The following MRS2 variants were observed in gnomAD, a reference collection of about 807,000 sequenced individuals.
MRS2 encodes the protein magnesium transporter MRS2.
A neutral mutation model predicts 52.6 loss-of-function variants in MRS2; 40 were observed. That is an observed-to-expected ratio of 0.76 (90% CI 0.59 to 0.99). MRS2 has a LOEUF of 0.99. MRS2 is among the 50% of genes least tolerant of loss of function. The pLI is 0.00. For missense variants in MRS2, 472 were observed against 532.7 expected, an observed-to-expected ratio of 0.89 and a Z score of 1.12; for synonymous variants, 193 against 195.9, an observed-to-expected ratio of 0.98 and a Z score of 0.13.
intron 4 of MRS2, chr6:24,410,797 C>T: frequency 1.3e-6 from 2 of 1,491,472 alleles, no homozygotes; most frequent in South Asian, 2.4e-5. Flanking sequence ...GAGAGACAGA[C>T]AGGTATGTGA....
intron 9 of MRS2, among the ~76,000 whole-genome samples, chr6:24,421,256 ATG>A (rs1762033074): frequency 6.6e-6 from 1 of 152,256 alleles, no homozygotes. Context: ...TAGTTTTAGT[ATG>A]TGCAATCCTA....
chr6:24,416,274 TAA>T (rs1761845029), intron 6 of MRS2, 121 bp from the exon 7 acceptor site: 2 of 470,478 alleles, frequency 4.3e-6, no homozygotes, highest in Admixed American at 8.1e-5. Context: ...TTTTTTTAAA[TAA>T]GTCATTGTTT....
In MRS2 at chr6:24,409,707, T is replaced by C; in HGVS notation, c.414+134T>C. On this transcript the variant is annotated intron_variant, in intron 4 of 10. Transcript: ENST00000378386. Reference sequence around the variant, plus strand: ...GCTACCTGAAACATAGGATGTTTTATAGCTTAATATGCTATTATGAGTAGA... The same window carrying C: ...GCTACCTGAAACATAGGATGTTTTACAGCTTAATATGCTATTATGAGTAGA... 4 of 590,458 alleles carry C rather than the reference T, an allele frequency of 6.8e-6. No homozygotes were observed. The Middle Eastern group carries it at 1.6e-3, about 238-fold the overall frequency. The allele number at this position is 590,458 out of a possible 1,614,324, so 36.6% of individuals were successfully genotyped here. A position where few individuals can be genotyped will look rare whatever the true frequency, so the allele number is the denominator to read the frequency against.
chr6:24,404,997 A>T (rs535761864), intron 1 of MRS2, among the ~76,000 whole-genome samples, 171 bp from the exon 2 acceptor site: 1 of 152,390 alleles, frequency 6.6e-6, no homozygotes, highest in African/African-American at 2.4e-5. Flanking sequence ...AACCTAAGAT[A>T]GTCACTAACA....
In MRS2 at chr6:24,423,581, TA is replaced by T. The variant is rs767037591; in HGVS notation, c.1222-2del. ...CTAAAATTAATACTTCTGCTTTATT[TA>T]GATGGCTTCTTTACCTAAAAAGACT... On this transcript the variant is annotated splice_acceptor_variant, in intron 10 of 10. Coordinates refer to ENST00000378386, the MANE Select transcript of MRS2 (RefSeq NM_020662.4). LOFTEE classifies it high-confidence loss of function. 6.5e-7 allele frequency: 1 copy of T among 1,549,172 alleles called. No individual in the cohort carries two copies. The highest frequency in any genetic ancestry group is 8.9e-7 in the Non-Finnish European group (1 of 1,125,568).
rs769603385 is a variant in MRS2 at position 24,416,414 on chromosome 6, CAG to C, written c.739_740del (p.Asp247TyrfsTer2). Reference sequence around the variant, plus strand: ...TCTTATAGTCTATCAGAGTTAGAAACAGATATTAAAATTTTCAAAGAGTCAAT... The same window carrying C: ...TCTTATAGTCTATCAGAGTTAGAAACATATTAAAATTTTCAAAGAGTCAAT... On this transcript the variant is annotated frameshift_variant, in exon 7 of 11. Coordinates refer to ENST00000378386, the MANE Select transcript of MRS2 (RefSeq NM_020662.4). LOFTEE classifies it high-confidence loss of function. 11 of 1,483,810 alleles carry C rather than the reference CAG, an allele frequency of 7.4e-6. No individual in the cohort carries two copies. The highest frequency in any genetic ancestry group is 1.1e-5 in the South Asian group (1 of 87,874). 91.9% of individuals were successfully genotyped at this position (1,483,810 alleles called of 1,614,324 possible).
At chr6:24,414,556 A>T (rs2127292225) in intron 5 of MRS2, among the ~76,000 whole-genome samples, 1 of 149,660 alleles carries the variant, frequency 6.7e-6, no homozygotes, top group East Asian at 2.0e-4. Context: ...TTCTTTCTAC[A>T]CAGACACAGT....
intron 1 of MRS2, among the ~76,000 whole-genome samples, chr6:24,404,857 C>T (rs570580342): frequency 6.6e-6 from 1 of 152,234 alleles, no homozygotes; most frequent in Admixed American, 6.5e-5. Flanking sequence ...TCTCAGAACA[C>T]GATGTTGCAC....
intron 10 of MRS2, 109 bp from the exon 11 acceptor site, chr6:24,423,474 CT>C (rs1561817015): frequency 7.1e-6 from 4 of 564,102 alleles, no homozygotes; most frequent in Admixed American, 6.4e-5. Context: ...ACTTAAGACA[CT>C]GATACTGCTT....
chr6:24,422,763 TCTC>T (rs760571121), intron 9 of MRS2, among the ~76,000 whole-genome samples, 171 bp from the exon 10 acceptor site: 6 of 152,172 alleles, frequency 3.9e-5, no homozygotes, highest in Admixed American at 2.0e-4. Flanking sequence ...ATCATGTTCT[TCTC>T]CTGCTTTATT....
Position 24,423,035 on chromosome 6 carries a change from T to G in MRS2, c.1206T>G (p.Ala402=), listed in dbSNP as rs775872870. The G allele has an allele frequency of 6.2e-7, 1 of 1,613,512 alleles. No homozygotes were observed. The highest frequency in any genetic ancestry group is 1.1e-5 in the South Asian group (1 of 91,060). The part of the protein sequence containing the change: ...LLSFLGRQLE[A]PLPPMMASLP... ...CATTCCTTGGACGACAGCTAGAAGC[T>G]CCATTGCCTCCTATGGTATGAAGGA... Residue 402 remains alanine (A), a synonymous_variant, in exon 10 of 11, where the codon GCT becomes GCG. Transcript: ENST00000378386.
At chr6:24,421,992 T>G (rs147700372) in intron 9 of MRS2, among the ~76,000 whole-genome samples, 10 of 151,986 alleles carry the variant, frequency 6.6e-5, no homozygotes, top group Admixed American at 5.2e-4. Flanking sequence ...CTACTAAAAA[T>G]ACAAAAATTA....
chr6:24,409,651 C>A, intron 4 of MRS2, 78 bp downstream of exon 4: 2 of 871,814 alleles, frequency 2.3e-6, no homozygotes, highest in Non-Finnish European at 1.8e-6. Context: ...TGATTAGTAT[C>A]TAGGTTAAAA....
At chr6:24,412,514 A>G in intron 5 of MRS2, 119 bp downstream of exon 5, 1 of 678,456 alleles carries the variant, frequency 1.5e-6, no homozygotes. Flanking sequence ...CTGCCCCGAA[A>G]CAAGTCGTCT....
intron 2 of MRS2, among the ~76,000 whole-genome samples, chr6:24,405,774 C>T (rs1417902349): frequency 2.8e-4 from 35 of 125,944 alleles, no homozygotes; most frequent in Admixed American, 7.7e-4. Context: ...TCTTTGTAGG[C>T]TTTTTTTTTT....
chr6:24,416,319 G>T, intron 6 of MRS2, 78 bp from the exon 7 acceptor site: 2 of 623,032 alleles, frequency 3.2e-6, no homozygotes, highest in Non-Finnish European at 2.9e-6. Context: ...TATTTGATAA[G>T]ATACTCTAAA....
Position 24,418,411 on chromosome 6 carries a change from GTA to G in MRS2, c.990-45_990-44del, listed in dbSNP as rs780749996. On this transcript the variant is annotated intron_variant, in intron 8 of 10. Transcript: ENST00000378386. ...TCTGTATAGATTTGATGAATGTGCTGTATATAGTTAGTGGGCCCTTCTAATCT... is the reference window on the plus strand; with the variant it reads ...TCTGTATAGATTTGATGAATGTGCTGTATAGTTAGTGGGCCCTTCTAATCT... The G allele has an allele frequency of 6.2e-6, 10 of 1,610,834 alleles. 1 individual carries two copies. In the Admixed American group the frequency reaches 1.5e-4, roughly 24 times the overall value.
chr6:24,420,551 T>C (rs1762010783), intron 9 of MRS2, among the ~76,000 whole-genome samples: 1 of 152,314 alleles, frequency 6.6e-6, no homozygotes, highest in African/African-American at 2.4e-5. Flanking sequence ...TGCCCTTGCG[T>C]AGGTTATATT....
In MRS2 at chr6:24,426,006, GTTT is replaced by G. The variant is rs1191309732; in HGVS notation, c.*2314_*2316del. The G allele has an allele frequency of 2.0e-5, 3 of 152,180 alleles. No homozygotes were observed. Among genetic ancestry groups the G allele is most frequent in the Admixed American group, 6.5e-5 (1 of 15,282 alleles). 9.4% of individuals were successfully genotyped at this position (152,180 alleles called of 1,614,324 possible). A position where few individuals can be genotyped will look rare whatever the true frequency, so the allele number is the denominator to read the frequency against. On this transcript the variant is annotated 3_prime_UTR_variant, in exon 11 of 11. Transcript: ENST00000378386. ...TGGAGTAGGGACTGCAGAGACCCTAGTTTTGTCCCCACTCCATCTTCAAATAAT... is the reference window on the plus strand; with the variant it reads ...TGGAGTAGGGACTGCAGAGACCCTAGTGTCCCCACTCCATCTTCAAATAAT...
Sources: gnomAD v4.1 joint callset for allele counts (sites outside exome capture counted in the v4.1 genomes callset) on GRCh38, gnomAD v4.1.1 for gene constraint, MANE v1.5 for transcripts, NCBI Gene and HGNC (gene_info 2026-07-23, HGNC 2026-07-21) for gene names.